FAM120A: variants seen among roughly 807,000 people sequenced by gnomAD.
FAM120A encodes constitutive coactivator of PPAR-gamma-like protein 1.
A neutral mutation model predicts 109.7 loss-of-function variants in FAM120A; 15 were observed. The ratio of observed to expected loss-of-function variants is 0.14; its 90% CI spans 0.09 to 0.21. The LOEUF (loss-of-function observed/expected upper bound fraction) is 0.21, where lower values mean the gene tolerates loss of function less well. FAM120A is among the 10% of genes least tolerant of loss of function. FAM120A has a pLI of 1.00. For synonymous variants in FAM120A, 493 were observed against 572.8 expected (o/e 0.86, Z 1.99); for missense variants, 899 against 1,439.3 (o/e 0.62, Z 6.07).
At position 93,471,224 on chromosome 9, in the gene FAM120A, C is replaced by T; in HGVS notation, c.558C>T (p.Asp186=). 1.2e-6 allele frequency: 2 copies of T among 1,614,158 alleles called. No individual in the cohort carries two copies. Among genetic ancestry groups the T allele is most frequent in the African/African-American group, 1.3e-5 (1 of 75,014 alleles). Residue 186 remains aspartate (D), a synonymous_variant, in exon 2 of 18, where the codon GAC becomes GAT. Coordinates refer to ENST00000277165, the MANE Select transcript of FAM120A (RefSeq NM_014612.5). ...ENGFHGLVAY[D]SDYALCNIPY... is the part of the protein sequence containing the mutation. ...GTTTCCATGGCTTGGTTGCGTATGA[C>T]TCTGATTATGCACTGTGCAACATCC...
At chr9:93,537,518 C>T (rs1161218734) in intron 10 of FAM120A, among the ~76,000 whole-genome samples, 1 of 151,794 alleles carries the variant, frequency 6.6e-6, no homozygotes, top group African/African-American at 2.4e-5. Flanking sequence ...ATAAGAGAAA[C>T]AGGCTTATAA....
chr9:93,475,056 T>A (rs185266241), intron 2 of FAM120A, among the ~76,000 whole-genome samples: 1 of 152,184 alleles, frequency 6.6e-6, no homozygotes, highest in African/African-American at 2.4e-5. Flanking sequence ...ACAGGTGGAG[T>A]GTCCCTTATC....
intron 1 of FAM120A, chr9:93,453,690 A>T (rs1315379926): frequency 1.7e-5 from 16 of 931,244 alleles, no homozygotes; most frequent in Non-Finnish European, 2.0e-5. Context: ...TGCGCCTGGC[A>T]GACACACAGC....
rs777574383 is a variant in FAM120A, at chr9:93,527,199, A to G, written c.1463A>G (p.His488Arg). ...ATTGGCTGGGAGAAGACGGGAAGCC[A>G]CTCAGAGCCTCAGGCACGAGGAGAC... ...NKIGWEKTGS[H>R]SEPQARGDPG... is the part of the protein sequence containing the mutation. Residue 488 changes from histidine to arginine, a missense_variant, in exon 8 of 18, where the codon CAC becomes CGC. This residue lies in a region of FAM120A where 57 missense variants were observed against 52.9 expected (regional missense o/e 1.08). Transcript: ENST00000277165. 1 of 1,614,066 alleles carries G rather than the reference A, an allele frequency of 6.2e-7. No individual in the cohort carries two copies. Among genetic ancestry groups the G allele is most frequent in the African/African-American group, 1.3e-5 (1 of 74,930 alleles).
At chr9:93,521,851 G>A (rs1389981030) in intron 7 of FAM120A, among the ~76,000 whole-genome samples, 1 of 152,232 alleles carries the variant, frequency 6.6e-6, no homozygotes, top group Non-Finnish European at 1.5e-5. Context: ...ACTTTGGGAA[G>A]CTGAGGCAGG....
At position 93,475,122 on chromosome 9, in the gene FAM120A, T is replaced by C. The variant is rs147342267; in HGVS notation, c.722-1134T>C. Among the ~76,000 whole-genome samples the C allele has an allele frequency of 4.3e-3, 648 of 152,332 alleles. 10 individuals are homozygous for C. The highest frequency in any genetic ancestry group is 0.027 in the Admixed American group (420 of 15,304). On this transcript the variant is annotated intron_variant, in intron 2 of 17. Transcript: ENST00000277165. Reference sequence around the variant, plus strand: ...GTATTTGCATATGCCTAATGAAGTATCTTAAAGATGGGACCCAAGTCAGCA... The same window carrying C: ...GTATTTGCATATGCCTAATGAAGTACCTTAAAGATGGGACCCAAGTCAGCA...
intron 7 of FAM120A, 127 bp from the exon 8 acceptor site, chr9:93,527,028 C>T: frequency 1.4e-6 from 1 of 692,930 alleles, no homozygotes. Context: ...AGAGTTATTT[C>T]TCGATGTTGT....
At chr9:93,511,016 T>C (rs1588861813) in intron 5 of FAM120A, among the ~76,000 whole-genome samples, 1 of 151,910 alleles carries the variant, frequency 6.6e-6, no homozygotes, top group Middle Eastern at 3.4e-3. Context: ...TAGAATGTTC[T>C]TGTATGAGCA....
chr9:93,520,223 A>G (rs959658457), intron 7 of FAM120A, among the ~76,000 whole-genome samples: 1 of 152,070 alleles, frequency 6.6e-6, no homozygotes, highest in Admixed American at 6.6e-5. Context: ...ATGGTACTGT[A>G]CACCTGTAGT....
At chr9:93,464,427 T>G (rs1350316033) in intron 1 of FAM120A, among the ~76,000 whole-genome samples, 3 of 152,160 alleles carry the variant, frequency 2.0e-5, no homozygotes, top group Admixed American at 2.0e-4. Flanking sequence ...CTTAAACTTG[T>G]CAACACTAAT....
Position 93,452,818 on chromosome 9 carries a change from G to A in FAM120A, c.474+429G>A. On this transcript the variant is annotated intron_variant, in intron 1 of 17. Transcript: ENST00000277165. This position sits in a 1 kb window ranked among gnomAD's most constrained non-coding sequence, Gnocchi z 7.0. The stretch of plus-strand genomic sequence containing the variant: ...AACAGGTTCATCTTGGAAGCAGGCA[G>A]GATACAGAGTAATAGAGGGGGTTTC... 1 of 1,575,726 alleles carries A rather than the reference G, an allele frequency of 6.3e-7. No homozygotes were observed. The highest frequency in any genetic ancestry group is 8.6e-7 in the Non-Finnish European group (1 of 1,169,090).
At chr9:93,503,243 A>G (rs745830415) in intron 5 of FAM120A, among the ~76,000 whole-genome samples, 1 of 152,202 alleles carries the variant, frequency 6.6e-6, no homozygotes, top group Non-Finnish European at 1.5e-5. Context: ...GTGTTTGCCC[A>G]AAGGAGTTGA....
At chr9:93,553,061 G>A (rs960404670) in intron 12 of FAM120A, among the ~76,000 whole-genome samples, 3 of 152,156 alleles carry the variant, frequency 2.0e-5, no homozygotes, top group Admixed American at 6.5e-5. Context: ...TGCTTTCTTC[G>A]TCTGCCATGT....
intron 3 of FAM120A, 108 bp from the exon 4 acceptor site, chr9:93,497,363 T>C: frequency 1.4e-6 from 2 of 1,409,214 alleles, no homozygotes; most frequent in South Asian, 1.3e-5. Context: ...TGGGCACTGA[T>C]AAGATCTTAG....
chr9:93,511,827 C>T (rs1230110426), intron 5 of FAM120A, among the ~76,000 whole-genome samples: 3 of 152,260 alleles, frequency 2.0e-5, no homozygotes, highest in Admixed American at 1.3e-4. Flanking sequence ...GAGTCTCATT[C>T]TGTCACCCAG....
At chr9:93,510,676 A>G (rs896085227) in intron 5 of FAM120A, among the ~76,000 whole-genome samples, 10 of 151,382 alleles carry the variant, frequency 6.6e-5, no homozygotes, top group Non-Finnish European at 1.2e-4. Context: ...AACAGTCTTG[A>G]TGTGTTGCCT....
At chr9:93,495,127 C>T (rs1859516210) in intron 3 of FAM120A, among the ~76,000 whole-genome samples, 1 of 152,198 alleles carries the variant, frequency 6.6e-6, no homozygotes, top group East Asian at 1.9e-4. Flanking sequence ...AGCAGGCCCT[C>T]CGTGGCTGCC....
rs7045400 is a variant in FAM120A at position 93,470,288 on chromosome 9, G to A, written c.475-853G>A. Reference sequence around the variant, plus strand: ...TATGTGAAACAGCAGGAGAGAATTTGGTGGTCTTGGACTGTAAATCATTTA... The same window carrying A: ...TATGTGAAACAGCAGGAGAGAATTTAGTGGTCTTGGACTGTAAATCATTTA... On this transcript the variant is annotated intron_variant, in intron 1 of 17. Coordinates refer to ENST00000277165, the MANE Select transcript of FAM120A (RefSeq NM_014612.5). Among the ~76,000 whole-genome samples the A allele has an allele frequency of 9.1e-3, 1,388 of 152,276 alleles. 22 individuals are homozygous for A. Among genetic ancestry groups the A allele is most frequent in the African/African-American group, 0.032 (1,319 of 41,554 alleles).
intron 5 of FAM120A, among the ~76,000 whole-genome samples, chr9:93,505,103 C>T (rs1859983798): frequency 7.2e-6 from 1 of 138,702 alleles, no homozygotes; most frequent in Admixed American, 7.5e-5. Flanking sequence ...CTCTGTCACC[C>T]AGGCTGGAGT....
Sources: gnomAD v4.1 joint callset for allele counts (sites outside exome capture counted in the v4.1 genomes callset) on GRCh38, gnomAD v4.1.1 for gene constraint, gnomAD v4.1.1 regional missense constraint, Gnocchi (gnomAD v3.1) non-coding constraint, MANE v1.5 for transcripts, NCBI Gene and HGNC (gene_info 2026-07-23, HGNC 2026-07-21) for gene names.